Variants in RAB3GAP2 observed in about 807,000 individuals in gnomAD.
The protein encoded by RAB3GAP2 is RAB3 GTPase activating non-catalytic protein subunit 2.
Under a neutral mutation model 185.3 loss-of-function variants are expected in RAB3GAP2, and 87 were observed. The ratio of observed to expected loss-of-function variants is 0.47; its 90% CI spans 0.39 to 0.56. The LOEUF is 0.56. Among genes scored for constraint, RAB3GAP2 ranks in the 20% least tolerant of loss-of-function variants. RAB3GAP2 has a pLI of 0.00. For synonymous variants in RAB3GAP2, 554 were observed against 576.1 expected, an observed-to-expected ratio of 0.96 and a Z score of 0.55; for missense variants, 1,492 against 1,638.2, an observed-to-expected ratio of 0.91 and a Z score of 1.54.
chr1:220,262,845 T>A (rs547633768), intron 1 of RAB3GAP2, among the ~76,000 whole-genome samples: 1 of 152,342 alleles, frequency 6.6e-6, no homozygotes, highest in East Asian at 1.9e-4. Flanking sequence ...TATTGCTGGA[T>A]CATATAATTT....
intron 21 of RAB3GAP2, among the ~76,000 whole-genome samples, chr1:220,179,710 AG>A (rs1658364656): frequency 6.6e-6 from 1 of 152,238 alleles, no homozygotes; most frequent in African/African-American, 2.4e-5. Flanking sequence ...CAGTAACAAG[AG>A]GAACTTTGGA....
In RAB3GAP2 at chr1:220,157,819, G is replaced by C; in HGVS notation, c.3319C>G (p.Leu1107Val). The C allele has an allele frequency of 6.2e-7, 1 of 1,612,818 alleles. No homozygotes were observed. The change falls in exon 30 of 35, where the codon CTT becomes GTT. Residue 1107 changes from leucine to valine, a missense_variant. Coordinates refer to ENST00000358951, the MANE Select transcript of RAB3GAP2 (RefSeq NM_012414.4). Reference sequence around the variant, plus strand: ...TCTTTTACCTCCATTAAGATCTGAAGAAGATCCAAACAGGAGCCGAGGAAA... The same window carrying C: ...TCTTTTACCTCCATTAAGATCTGAACAAGATCCAAACAGGAGCCGAGGAAA... ...TSFLGSCLDL[L>V]QILMEADVSR...
chr1:220,269,399 G>A (rs1026780370), intron 1 of RAB3GAP2, among the ~76,000 whole-genome samples: 19 of 152,216 alleles, frequency 1.2e-4, no homozygotes, highest in African/African-American at 4.3e-4. Context: ...TTTACGTTAA[G>A]TGCAATCAAA....
chr1:220,204,215 A>G lies in RAB3GAP2; in HGVS notation c.712+1692T>C, dbSNP rs939691207. Among the ~76,000 whole-genome samples the G allele has an allele frequency of 5.7e-4, 87 of 152,142 alleles. 3 individuals are homozygous for G. The highest frequency in any genetic ancestry group is 5.9e-5 in the Non-Finnish European group (4 of 68,022). On this transcript the variant is annotated intron_variant, in intron 8 of 34. Coordinates refer to ENST00000358951, the MANE Select transcript of RAB3GAP2 (RefSeq NM_012414.4). ...TCTCTGTCTTTTTTAGCAGGTTGGT[A>G]TGATTGGCAAAAATTCTGATGTCTT...
chr1:220,243,081 A>G (rs1020940605), intron 1 of RAB3GAP2, among the ~76,000 whole-genome samples: 19 of 152,260 alleles, frequency 1.2e-4, no homozygotes, highest in African/African-American at 2.2e-4. Context: ...CAGGCTGGGC[A>G]CGGCGGCTCA....
At chr1:220,154,965 T>A (rs1351264006) in intron 31 of RAB3GAP2, among the ~76,000 whole-genome samples, 1 of 152,204 alleles carries the variant, frequency 6.6e-6, no homozygotes, top group Admixed American at 6.5e-5. Context: ...CCTCAGGTGA[T>A]CTGCCCGCCT....
At chr1:220,213,122 T>C (rs1659113095) in intron 3 of RAB3GAP2, among the ~76,000 whole-genome samples, 154 bp from the exon 4 acceptor site, 1 of 152,210 alleles carries the variant, frequency 6.6e-6, no homozygotes, top group African/African-American at 2.4e-5. Flanking sequence ...AAATATAAGA[T>C]AAACATGTTT....
chr1:220,229,691 G>A (rs1283831002), intron 2 of RAB3GAP2, among the ~76,000 whole-genome samples: 1 of 152,114 alleles, frequency 6.6e-6, no homozygotes, highest in Non-Finnish European at 1.5e-5. Context: ...ATGTATCAGT[G>A]GGCTCATTAA....
chr1:220,230,826 C>A (rs754786433), intron 2 of RAB3GAP2, among the ~76,000 whole-genome samples: 3 of 152,128 alleles, frequency 2.0e-5, no homozygotes, highest in Non-Finnish European at 2.9e-5. Flanking sequence ...CTATTTCACA[C>A]CACACCCCAG....
Position 220,171,879 on chromosome 1 carries a change from A to G in RAB3GAP2, c.2577+10T>C. On this transcript the variant is annotated intron_variant, in intron 23 of 34. Coordinates refer to ENST00000358951, the MANE Select transcript of RAB3GAP2 (RefSeq NM_012414.4). ...GTGTACAGATCAAAGCCATACCTTT[A>G]CCCACTTACTTTTTTCTCTGTCATG... is the stretch of plus-strand genomic sequence containing the variant. 6.2e-7 allele frequency: 1 copy of G among 1,614,056 alleles called. No homozygotes were observed. Among genetic ancestry groups the G allele is most frequent in the Non-Finnish European group, 8.5e-7 (1 of 1,180,000 alleles).
intron 2 of RAB3GAP2, among the ~76,000 whole-genome samples, chr1:220,227,845 G>A (rs531231521): frequency 8.5e-5 from 13 of 152,202 alleles, no homozygotes; most frequent in African/African-American, 2.4e-4. Flanking sequence ...TCCGCCTCCC[G>A]GGTTCAAGCA....
intron 12 of RAB3GAP2, among the ~76,000 whole-genome samples, chr1:220,193,953 C>T (rs560153720): frequency 2.0e-5 from 3 of 152,172 alleles, no homozygotes; most frequent in East Asian, 1.9e-4. Context: ...AACAAAGGTG[C>T]CCAACCTTTG....
chr1:220,198,823 A>G (rs1318474853), intron 9 of RAB3GAP2, among the ~76,000 whole-genome samples: 3 of 152,114 alleles, frequency 2.0e-5, no homozygotes, highest in Non-Finnish European at 2.9e-5. Context: ...CCCTCTCAAT[A>G]TAAGTTTCCA....
At chr1:220,258,461 A>C (rs111942096) in intron 1 of RAB3GAP2, among the ~76,000 whole-genome samples, 3 of 152,202 alleles carry the variant, frequency 2.0e-5, no homozygotes, top group African/African-American at 7.2e-5. Context: ...GATTTATCAC[A>C]TAAACAGAAC....
At position 220,157,493 on chromosome 1, in the gene RAB3GAP2, G is replaced by A. The variant is rs1332380902; in HGVS notation, c.3337-5C>T. On this transcript the variant is annotated splice_polypyrimidine_tract_variant and splice_region_variant and intron_variant, in intron 30 of 34. Transcript: ENST00000358951. ...TTCATCCCTGCTAACATCTGCCTAAGGGTTTTGAGAATGGAGGACTGTGTT... is the reference window on the plus strand; with the variant it reads ...TTCATCCCTGCTAACATCTGCCTAAAGGTTTTGAGAATGGAGGACTGTGTT... 6.2e-7 allele frequency: 1 copy of A among 1,612,466 alleles called. No homozygotes were observed. Among genetic ancestry groups the A allele is most frequent in the African/African-American group, 1.3e-5 (1 of 74,832 alleles).
chr1:220,191,189 G>A lies in RAB3GAP2; in HGVS notation c.1366C>T (p.Gln456Ter), dbSNP rs779969064. 1.2e-6 allele frequency: 2 copies of A among 1,613,950 alleles called. No homozygotes were observed. Among genetic ancestry groups the A allele is most frequent in the Non-Finnish European group, 1.7e-6 (2 of 1,179,960 alleles). Residue 456 changes from glutamine (Q) to a stop codon, truncating the protein, a stop_gained, in exon 14 of 35, where the codon CAG becomes TAG. Transcript: ENST00000358951. LOFTEE classifies it high-confidence loss of function. ...KADFSPFGNS[Q>*]GPSRVAQFLV... The stretch of plus-strand genomic sequence containing the variant: ...AATTGAGCTACTCGACTTGGACCCT[G>A]AGAATTTCCAAAGGGGGAAAAATCT...
chr1:220,164,733 C>A lies in RAB3GAP2; in HGVS notation c.3154G>T (p.Gly1052Cys), dbSNP rs121434310. Residue 1052 changes from glycine (G) to cysteine (C), a missense_variant and splice_region_variant, in exon 27 of 35, where the codon GGC becomes TGC. Transcript: ENST00000358951. ...KQIFNAHVQN[G>C]IALMMWNTFL... ...ATGTTTCTAACATCTGTTTACTTACCATTTTGAACATGTGCATTAAATATT... is the reference window on the plus strand; with the variant it reads ...ATGTTTCTAACATCTGTTTACTTACAATTTTGAACATGTGCATTAAATATT... The A allele has an allele frequency of 6.2e-7, 1 of 1,603,124 alleles. No homozygotes were observed. The highest frequency in any genetic ancestry group is 8.5e-7 in the Non-Finnish European group (1 of 1,173,074).
chr1:220,159,319 T>G, intron 29 of RAB3GAP2, 67 bp downstream of exon 29: 1 of 1,308,618 alleles, frequency 7.6e-7, no homozygotes, highest in Non-Finnish European at 1.1e-6. Flanking sequence ...ACCTATACAG[T>G]TAATAAAGTA....
At chr1:220,219,403 A>G (rs901074103) in intron 2 of RAB3GAP2, 2 of 152,250 alleles carry the variant, frequency 1.3e-5, no homozygotes, top group African/African-American at 4.8e-5. Flanking sequence ...AACCATGCCA[A>G]TACTATAGAT....
Sources: allele counts gnomAD v4.1 joint callset (sites outside exome capture counted in the v4.1 genomes callset), GRCh38; gene constraint gnomAD v4.1.1; transcripts MANE v1.5; gene names NCBI Gene and HGNC (gene_info 2026-07-23, HGNC 2026-07-21).